Variants in ADAMTS17 observed in about 807,000 individuals in gnomAD.
The protein encoded by ADAMTS17 is ADAM metallopeptidase with thrombospondin type 1 motif 17, also known as A disintegrin and metalloproteinase with thrombospondin motifs 17.
Under a neutral mutation model 141.5 loss-of-function variants are expected in ADAMTS17, and 113 were observed. The ratio of observed to expected loss-of-function variants is 0.80; its 90% CI spans 0.69 to 0.93. The LOEUF (loss-of-function observed/expected upper bound fraction) is 0.93. Ranked by LOEUF, ADAMTS17 falls within the 40% of genes least tolerant of loss-of-function variation. The pLI is 0.00. For synonymous variants in ADAMTS17, 768 were observed against 630.6 expected (o/e 1.22, Z -3.27); for missense variants, 1,659 against 1,517.9 (o/e 1.09, Z -1.54).
chr15:100,140,180 G>A (rs1353005083), intron 10 of ADAMTS17, among the ~76,000 whole-genome samples: 1 of 151,854 alleles, frequency 6.6e-6, no homozygotes, highest in East Asian at 1.9e-4. Flanking sequence ...ATTTTTGGTA[G>A]AGATGGGGTT....
intron 18 of ADAMTS17, among the ~76,000 whole-genome samples, chr15:100,045,642 C>T (rs1029527367): frequency 2.0e-5 from 3 of 152,136 alleles, no homozygotes; most frequent in African/African-American, 7.2e-5. Context: ...CTCTGTGGCT[C>T]CCTCCTTTCT....
chr15:100,089,361 A>AG (rs571277359), intron 15 of ADAMTS17, among the ~76,000 whole-genome samples: 42 of 141,972 alleles, frequency 3.0e-4, no homozygotes, highest in African/African-American at 9.4e-4. Flanking sequence ...GTGGAGAAAT[A>AG]GAACACTTTT....
chr15:100,162,755 T>G (rs1255559777), intron 8 of ADAMTS17, among the ~76,000 whole-genome samples: 1 of 140,042 alleles, frequency 7.1e-6, no homozygotes, highest in Non-Finnish European at 1.5e-5. Flanking sequence ...ACACATTATA[T>G]ATAGGCACAT....
intron 7 of ADAMTS17, among the ~76,000 whole-genome samples, chr15:100,236,416 G>A (rs905509255): frequency 6.6e-6 from 1 of 152,052 alleles, no homozygotes; most frequent in Non-Finnish European, 1.5e-5. Flanking sequence ...GCAAACATCT[G>A]GGGTGAGGTC....
intron 7 of ADAMTS17, among the ~76,000 whole-genome samples, chr15:100,238,619 A>G (rs971481770): frequency 2.6e-5 from 4 of 152,234 alleles, no homozygotes; most frequent in Non-Finnish European, 5.9e-5. Flanking sequence ...GAATGGGCAC[A>G]GGTCTGGCAG....
intron 8 of ADAMTS17, among the ~76,000 whole-genome samples, chr15:100,156,585 T>C (rs1287518182): frequency 1.3e-5 from 2 of 152,246 alleles, no homozygotes; most frequent in African/African-American, 2.4e-5. Flanking sequence ...AACCTACTGA[T>C]GTCAGTGACA....
intron 3 of ADAMTS17, among the ~76,000 whole-genome samples, chr15:100,307,235 C>T (rs1452250371): frequency 6.6e-6 from 1 of 152,166 alleles, no homozygotes; most frequent in African/African-American, 2.4e-5. Flanking sequence ...AAAGACTCTG[C>T]TTCTTGGACA....
chr15:100,116,947 G>C lies in ADAMTS17; in HGVS notation c.1788C>G (p.Pro596=), dbSNP rs1448475492. 6.2e-7 allele frequency: 1 copy of C among 1,614,108 alleles called. No individual in the cohort carries two copies. The highest frequency in any genetic ancestry group is 8.5e-7 in the Non-Finnish European group (1 of 1,180,032). ...GGAAGCTGGGCAGACCCTTGGGGCA[G>C]GGCAGGTTCTCGCAGACCGCATGTT... is the stretch of plus-strand genomic sequence containing the variant. ...SVEHAVCENL[P]CPKGLPSFRD... is the part of the protein sequence containing the mutation. The change falls in exon 13 of 22, where the codon CCC becomes CCG. Residue 596 remains proline, a synonymous_variant. Coordinates refer to ENST00000268070, the MANE Select transcript of ADAMTS17 (RefSeq NM_139057.4).
chr15:100,101,574 T>C (rs1055647790), intron 14 of ADAMTS17, among the ~76,000 whole-genome samples: 1 of 152,160 alleles, frequency 6.6e-6, no homozygotes, highest in African/African-American at 2.4e-5. Flanking sequence ...TAACGGACCA[T>C]AAGCACATAG....
intron 14 of ADAMTS17, among the ~76,000 whole-genome samples, chr15:100,102,126 C>A (rs74037366): frequency 1.3e-5 from 2 of 152,204 alleles, no homozygotes; most frequent in African/African-American, 4.8e-5. Context: ...TTTGGCTGCA[C>A]GGAGAACTCC....
At chr15:100,229,013 T>C (rs1265560104) in intron 7 of ADAMTS17, among the ~76,000 whole-genome samples, 3 of 152,184 alleles carry the variant, frequency 2.0e-5, no homozygotes, top group Non-Finnish European at 2.9e-5. Context: ...AGGTGAAACA[T>C]TCAGTGACAT....
At chr15:100,301,339 A>ATT (rs57671360) in intron 3 of ADAMTS17, among the ~76,000 whole-genome samples, 3,112 of 150,842 alleles carry the variant, frequency 0.021, 62 homozygotes, top group African/African-American at 0.058. Context: ...ATATATATAT[A>ATT]TTTTTCTGAG....
At chr15:100,284,691 C>T (rs2142094692) in intron 3 of ADAMTS17, among the ~76,000 whole-genome samples, 1 of 152,322 alleles carries the variant, frequency 6.6e-6, no homozygotes, top group East Asian at 1.9e-4. Context: ...ATGGTCATTC[C>T]TTTTCCTACA....
At chr15:100,012,796 A>G (rs1244220994) in intron 18 of ADAMTS17, among the ~76,000 whole-genome samples, 3 of 152,154 alleles carry the variant, frequency 2.0e-5, no homozygotes, top group Admixed American at 6.5e-5. Flanking sequence ...GCCTTATAGT[A>G]TAGTTTGAAA....
intron 7 of ADAMTS17, among the ~76,000 whole-genome samples, chr15:100,223,618 C>T (rs143848094): frequency 1.9e-3 from 282 of 151,724 alleles, no homozygotes; most frequent in African/African-American, 6.6e-3. Context: ...CACATATGTG[C>T]GTGTATTAGG....
chr15:100,064,102 G>T (rs1423884339), intron 15 of ADAMTS17, among the ~76,000 whole-genome samples: 2 of 151,370 alleles, frequency 1.3e-5, no homozygotes, highest in African/African-American at 2.5e-5. Flanking sequence ...AATCCAAAAT[G>T]ACTGATGTCC....
At chr15:100,000,549 T>A (rs2060899660) in intron 18 of ADAMTS17, among the ~76,000 whole-genome samples, 1 of 152,164 alleles carries the variant, frequency 6.6e-6, no homozygotes, top group African/African-American at 2.4e-5. Context: ...GTTTCGCTCT[T>A]GTCACCCAGG....
rs1359568676 is a variant in ADAMTS17, at chr15:100,262,435, C to A, written c.790G>T (p.Val264Leu). The A allele has an allele frequency of 6.2e-7, 1 of 1,610,418 alleles. No individual in the cohort carries two copies. The highest frequency in any genetic ancestry group is 1.1e-5 in the South Asian group (1 of 90,326). ...QRFILTVMNM[V>L]YNMFQHQSLG... Reference sequence around the variant, plus strand: ...CTCTGGTGCTGAAACATATTGTATACCTATCAAGACAGAAAAAAGAAATAA... The same window carrying A: ...CTCTGGTGCTGAAACATATTGTATAACTATCAAGACAGAAAAAAGAAATAA... The change falls in exon 5 of 22, where the codon GTA (valine) becomes TTA (leucine). Residue 264 changes from valine to leucine, a missense_variant and splice_region_variant. By Grantham distance (32) the Val-to-Leu change is conservative. Transcript: ENST00000268070.
At chr15:100,041,965 T>C (rs1441813728) in intron 18 of ADAMTS17, among the ~76,000 whole-genome samples, 2 of 152,222 alleles carry the variant, frequency 1.3e-5, no homozygotes, top group Non-Finnish European at 2.9e-5. Flanking sequence ...TCTTTCACCT[T>C]GCCAGGTTCA....
Sources: allele counts gnomAD v4.1 joint callset (sites outside exome capture counted in the v4.1 genomes callset), GRCh38; gene constraint gnomAD v4.1.1; transcripts MANE v1.5; gene names NCBI Gene and HGNC (gene_info 2026-07-23, HGNC 2026-07-21).